Variants in QRSL1 observed in about 807,000 individuals in gnomAD.
QRSL1 encodes the protein glutamyl-tRNA(Gln) amidotransferase subunit A, mitochondrial.
Under a neutral mutation model 61.6 loss-of-function variants are expected in QRSL1, and 54 were observed. The ratio of observed to expected loss-of-function variants is 0.88; its 90% CI spans 0.70 to 1.10. QRSL1 has a LOEUF of 1.10. Ranked by LOEUF, QRSL1 falls within the 50% of genes least tolerant of loss-of-function variation. QRSL1 has a pLI of 0.00. For missense variants in QRSL1, 505 were observed against 622.6 expected, an observed-to-expected ratio of 0.81 and a Z score of 2.01; for synonymous variants, 228 against 225.7, an observed-to-expected ratio of 1.01 and a Z score of -0.09.
chr6:106,640,581 G>C, intron 2 of QRSL1, 73 bp downstream of exon 2: 8 of 1,324,818 alleles, frequency 6.0e-6, no homozygotes, highest in Middle Eastern at 5.2e-4. Flanking sequence ...GTCTCCATTT[G>C]GCAAGTGAAG....
intron 7 of QRSL1, among the ~76,000 whole-genome samples, chr6:106,654,220 G>C (rs1777231516): frequency 6.6e-6 from 1 of 152,098 alleles, no homozygotes; most frequent in Non-Finnish European, 1.5e-5. Flanking sequence ...CGTGGCTGTG[G>C]GTGCCTGTAG....
Position 106,654,835 on chromosome 6 carries a change from C to A in QRSL1, c.955C>A (p.His319Asn), listed in dbSNP as rs1777242845. 3 of 1,613,726 alleles carry A rather than the reference C, an allele frequency of 1.9e-6. No homozygotes were observed. In the South Asian group the frequency reaches 3.3e-5, roughly 18 times the overall value. Reference protein sequence around the residue: ...GAKVIEVSLPHTSYSIVCYHV... With the variant: ...GAKVIEVSLPNTSYSIVCYHV... ...CAAAGTAATTGAAGTATCCCTTCCT[C>A]ACACCAGTTATTCAATTGTCTGCTA... is the stretch of plus-strand genomic sequence containing the variant. The change falls in exon 8 of 11, where the codon CAC becomes AAC. Residue 319 changes from histidine (H) to asparagine (N), a missense_variant. His to Asn is a moderately conservative substitution (Grantham distance 68, BLOSUM62 1). Transcript: ENST00000369046.
intron 10 of QRSL1, among the ~76,000 whole-genome samples, 188 bp downstream of exon 10, chr6:106,663,373 T>C (rs1777387558): frequency 6.6e-6 from 1 of 152,204 alleles, no homozygotes; most frequent in Non-Finnish European, 1.5e-5. Context: ...TACCTGAGAC[T>C]GGATAATTTA....
At chr6:106,654,200 A>G (rs1239450191) in intron 7 of QRSL1, among the ~76,000 whole-genome samples, 1 of 152,108 alleles carries the variant, frequency 6.6e-6, no homozygotes, top group Non-Finnish European at 1.5e-5. Context: ...AATACAAAAA[A>G]TTAGCCGGGC....
intron 5 of QRSL1, among the ~76,000 whole-genome samples, chr6:106,651,856 A>G (rs1048913128): frequency 1.3e-5 from 2 of 152,202 alleles, no homozygotes; most frequent in Non-Finnish European, 2.9e-5. Context: ...AATTTATATG[A>G]TGGAATATTA....
intron 9 of QRSL1, among the ~76,000 whole-genome samples, chr6:106,659,590 C>G (rs1183573367): frequency 6.6e-6 from 1 of 151,270 alleles, no homozygotes; most frequent in Non-Finnish European, 1.5e-5. Flanking sequence ...ATATTTTTTG[C>G]TGCTTTTCAT....
chr6:106,655,657 C>T lies in QRSL1; in HGVS notation c.1085C>T (p.Ala362Val). Residue 362 changes from alanine (A) to valine (V), a missense_variant, in exon 9 of 11, where the codon GCT becomes GTT. By Grantham distance (64) the Ala-to-Val change is moderately conservative. Coordinates refer to ENST00000369046, the MANE Select transcript of QRSL1 (RefSeq NM_018292.5). ...GATGTGTCCACTGAAGCCATGTATGCTGCAACCAGACGAGAAGGGTTTAAT... is the reference window on the plus strand; with the variant it reads ...GATGTGTCCACTGAAGCCATGTATGTTGCAACCAGACGAGAAGGGTTTAAT... ...DIDVSTEAMYAATRREGFNDV... is the reference protein window; with the variant it reads ...DIDVSTEAMYVATRREGFNDV... The T allele has an allele frequency of 6.2e-7, 1 of 1,613,154 alleles. No individual in the cohort carries two copies. Among genetic ancestry groups the T allele is most frequent in the South Asian group, 1.1e-5 (1 of 91,060 alleles).
At chr6:106,654,246 A>G (rs1002537467) in intron 7 of QRSL1, among the ~76,000 whole-genome samples, 1 of 152,140 alleles carries the variant, frequency 6.6e-6, no homozygotes, top group African/African-American at 2.4e-5. Flanking sequence ...GCTACTCGGA[A>G]GGCTAAGGCA....
intron 5 of QRSL1, among the ~76,000 whole-genome samples, chr6:106,649,543 T>C (rs1407458285): frequency 1.3e-5 from 2 of 152,204 alleles, no homozygotes; most frequent in Non-Finnish European, 2.9e-5. Context: ...ATTATACAAA[T>C]ATTTAGGGAC....
At chr6:106,656,129 AAACG>A (rs1777267236) in intron 9 of QRSL1, among the ~76,000 whole-genome samples, 1 of 152,244 alleles carries the variant, frequency 6.6e-6, no homozygotes, top group African/African-American at 2.4e-5. Flanking sequence ...GGATAATTTT[AAACG>A]TGCAGGAGGT....
At chr6:106,649,986 A>G (rs1327686263) in intron 5 of QRSL1, among the ~76,000 whole-genome samples, 3 of 152,170 alleles carry the variant, frequency 2.0e-5, no homozygotes, top group East Asian at 1.9e-4. Context: ...CAATCCATAA[A>G]TCATTTATAT....
At chr6:106,645,197 T>C (rs1777088683) in intron 4 of QRSL1, among the ~76,000 whole-genome samples, 1 of 152,176 alleles carries the variant, frequency 6.6e-6, no homozygotes, top group Non-Finnish European at 1.5e-5. Flanking sequence ...TTTTACATAA[T>C]CTAGATCTGT....
At chr6:106,656,159 G>T (rs939925838) in intron 9 of QRSL1, among the ~76,000 whole-genome samples, 4 of 152,192 alleles carry the variant, frequency 2.6e-5, no homozygotes, top group Middle Eastern at 3.2e-3. Context: ...TAGGTTTTAT[G>T]CAAATACTAC....
Position 106,666,060 on chromosome 6 carries a change from T to TC in QRSL1, c.*61dup. ...TGGGTGCAGTGGCTCACACCTGTAA[T>TC]CCCAGCACTTTGGGAGGCCAAGGCG... On this transcript the variant is annotated 3_prime_UTR_variant, in exon 11 of 11. Coordinates refer to ENST00000369046, the MANE Select transcript of QRSL1 (RefSeq NM_018292.5). 2 of 1,438,288 alleles carry TC rather than the reference T, an allele frequency of 1.4e-6. No individual in the cohort carries two copies. The highest frequency in any genetic ancestry group is 3.5e-5 in the Admixed American group (2 of 56,632). 89.1% of individuals were successfully genotyped at this position (1,438,288 alleles called of 1,614,324 possible).
At chr6:106,634,879 G>T (rs989073596) in intron 1 of QRSL1, among the ~76,000 whole-genome samples, 2 of 152,148 alleles carry the variant, frequency 1.3e-5, no homozygotes. Context: ...TGGATATGGG[G>T]TTTGAGGAAA....
intron 10 of QRSL1, among the ~76,000 whole-genome samples, chr6:106,664,009 G>A (rs1362508243): frequency 6.6e-6 from 1 of 152,082 alleles, no homozygotes; most frequent in East Asian, 1.9e-4. Flanking sequence ...CAGATGTCAT[G>A]ACACTTCACC....
intron 1 of QRSL1, 30 bp from the exon 2 acceptor site, chr6:106,640,319 T>G: frequency 1.3e-6 from 2 of 1,583,326 alleles, no homozygotes; most frequent in Non-Finnish European, 1.7e-6. Flanking sequence ...GCAGACTCAG[T>G]AAAAGGTTTT....
At chr6:106,645,489 C>T (rs1777093354) in intron 4 of QRSL1, among the ~76,000 whole-genome samples, 1 of 151,822 alleles carries the variant, frequency 6.6e-6, no homozygotes, top group African/African-American at 2.4e-5. Context: ...ATGGTGCAAT[C>T]TCGGCTCACT....
Position 106,668,374 on chromosome 6 carries a change from T to G in QRSL1, c.*2372T>G, listed in dbSNP as rs988904254. 19 of 152,120 alleles carry G rather than the reference T, an allele frequency of 1.2e-4. No homozygotes were observed. The highest frequency in any genetic ancestry group is 4.6e-4 in the African/African-American group (19 of 41,408). The allele number at this position is 152,120 out of a possible 1,614,324, so 9.4% of individuals were successfully genotyped here. On this transcript the variant is annotated 3_prime_UTR_variant, in exon 11 of 11. Transcript: ENST00000369046. ...CTGGGAATTTAAGTGGCAAATACTT[T>G]CTTTGTCTCAGCTAATTAAACTCTA...
Sources: allele counts gnomAD v4.1 joint callset (sites outside exome capture counted in the v4.1 genomes callset), GRCh38; gene constraint gnomAD v4.1.1; transcripts MANE v1.5; gene names NCBI Gene and HGNC (gene_info 2026-07-23, HGNC 2026-07-21).